TTC14: variants seen among roughly 807,000 people sequenced by gnomAD.
TTC14 encodes tetratricopeptide repeat domain 14.
In TTC14, 63 loss-of-function variants were observed where a neutral mutation model predicts 79.9. The observed-to-expected ratio is 0.79, with a 90% CI of 0.64 to 0.97. TTC14 has a LOEUF of 0.97. Among genes scored for constraint, TTC14 ranks in the 50% least tolerant of loss-of-function variants. The probability of loss-of-function intolerance (pLI) is 0.00; values close to 1 mark genes in which losing one functional copy is unlikely to be tolerated. For missense variants in TTC14, 895 were observed against 894.0 expected, an observed-to-expected ratio of 1.00 and a Z score of -0.01; for synonymous variants, 335 against 309.6, an observed-to-expected ratio of 1.08 and a Z score of -0.86.
chr3:180,616,941 A>G lies in TTC14; in HGVS notation c.1775-439A>G, dbSNP rs372308915. The stretch of plus-strand genomic sequence containing the variant: ...TTTAACATTATTTGCCAAATGTTCT[A>G]TAACATCTAATGTATTTTCCATGCT... On this transcript the variant is annotated intron_variant, in intron 12 of 12. Transcript: ENST00000382584. 57 of 1,454,972 alleles carry G rather than the reference A, an allele frequency of 3.9e-5. No homozygotes were observed. In the Middle Eastern group the frequency reaches 5.2e-4, roughly 13 times the overall value. 90.1% of individuals were successfully genotyped at this position (1,454,972 alleles called of 1,614,324 possible). A position where few individuals can be genotyped will look rare whatever the true frequency, so the allele number is the denominator to read the frequency against.
At chr3:180,611,355 A>ACAT (rs1716989753), downstream of TTC14, among the ~76,000 whole-genome samples, 1 of 152,240 alleles carries the variant, frequency 6.6e-6, no homozygotes, top group South Asian at 2.1e-4. Flanking sequence ...GCAGAGAAGC[A>ACAT]CATTGTAAAT....
At chr3:180,616,320 TGAC>T (rs1717238350) in intron 12 of TTC14, 3 of 1,613,436 alleles carry the variant, frequency 1.9e-6, no homozygotes, top group East Asian at 2.2e-5. Flanking sequence ...TCTAGAGCTC[TGAC>T]GACTGCCTTT....
At position 180,610,627 on chromosome 3, in the gene TTC14, ATCTCTGCTTCT is replaced by A; in HGVS notation, c.*86_*96del. 6.7e-7 allele frequency: 1 copy of A among 1,489,232 alleles called. No individual in the cohort carries two copies. Among genetic ancestry groups the A allele is most frequent in the South Asian group, 1.5e-5 (1 of 68,804 alleles). The allele number at this position is 1,489,232 out of a possible 1,614,324, so 92.3% of individuals were successfully genotyped here. A position where few individuals can be genotyped will look rare whatever the true frequency, so the allele number is the denominator to read the frequency against. On this transcript the variant is annotated 3_prime_UTR_variant, in exon 12 of 12. Transcript: ENST00000296015. ...TTAGTCATAACAGTTGAGTGCAGAA[ATCTCTGCTTCT>A]AAAATTATTTGTAGAGATTACAGGA... is the stretch of plus-strand genomic sequence containing the variant.
intron 3 of TTC14, chr3:180,603,739 G>A: frequency 8.4e-6 from 2 of 239,050 alleles, no homozygotes; most frequent in South Asian, 5.1e-5. Context: ...TAAGTGGTTT[G>A]TACATTATAT....
At chr3:180,605,059 C>T (rs1716601053) in intron 6 of TTC14, 52 bp downstream of exon 6, 1 of 1,546,444 alleles carries the variant, frequency 6.5e-7, no homozygotes, top group African/African-American at 1.4e-5. Flanking sequence ...GCAGTAAGCT[C>T]AGAAGCTGCG....
intron 12 of TTC14, chr3:180,617,363 C>A: frequency 1.8e-6 from 1 of 563,276 alleles, no homozygotes; most frequent in Non-Finnish European, 3.2e-6. Flanking sequence ...ATACAATATA[C>A]TTTTATTATT....
chr3:180,615,866 A>G (rs1028351687), downstream of TTC14, among the ~76,000 whole-genome samples: 1 of 152,214 alleles, frequency 6.6e-6, no homozygotes, highest in African/African-American at 2.4e-5. Context: ...TGATTATGTA[A>G]AATACCACAG....
In TTC14 at chr3:180,609,839, A is replaced by G; in HGVS notation, c.1610A>G (p.Tyr537Cys). ...GATCAGAATAGGAAAGATGAGTGCT[A>G]CCCAGTTCCAGCTAATACTTCAGCA... ...QIDQNRKDEC[Y>C]PVPANTSASF... Residue 537 changes from tyrosine to cysteine, a missense_variant, in exon 12 of 12, where the codon TAC (tyrosine) becomes TGC (cysteine). Transcript: ENST00000296015. The G allele has an allele frequency of 6.2e-7, 1 of 1,613,706 alleles. No individual in the cohort carries two copies. The highest frequency in any genetic ancestry group is 1.1e-5 in the South Asian group (1 of 90,996).
At chr3:180,615,028 G>C, downstream of TTC14, 1 of 1,557,232 alleles carries the variant, frequency 6.4e-7, no homozygotes, top group Non-Finnish European at 8.7e-7. Context: ...TTAAGCTCCA[G>C]TACTTTAATT....
rs1394686882 is a variant in TTC14, at chr3:180,602,422, G to A, written c.161G>A (p.Arg54Lys). 5 of 1,600,732 alleles carry A rather than the reference G, an allele frequency of 3.1e-6. No homozygotes were observed. Among genetic ancestry groups the A allele is most frequent in the Non-Finnish European group, 3.4e-6 (4 of 1,177,564 alleles). Residue 54 changes from arginine to lysine, a missense_variant and splice_region_variant, in exon 1 of 12, where the codon AGA becomes AAA. By Grantham distance (26) the Arg-to-Lys change is conservative. Coordinates refer to ENST00000296015, the MANE Select transcript of TTC14 (RefSeq NM_133462.4). Reference protein sequence around the residue: ...GPPPQHPLQGRKEKRVDNIEI... With the variant: ...GPPPQHPLQGKKEKRVDNIEI... ...CCGCCCCAGCACCCGTTGCAGGGCA[G>A]GTAATGAGACGTTGGTGCCACTGCG...
In TTC14 at chr3:180,617,561, C is replaced by T. The variant is rs948081087; in HGVS notation, c.1956C>T (p.His652=). 6.3e-5 allele frequency: 37 copies of T among 584,314 alleles called. 1 individual carries two copies. The Admixed American group carries it at 6.5e-4, about 10-fold the overall frequency. 36.2% of individuals were successfully genotyped at this position (584,314 alleles called of 1,614,324 possible). The change falls in exon 13 of 13, where the codon CAC becomes CAT. Residue 652 remains histidine (H), a synonymous_variant. Transcript: ENST00000382584. The stretch of plus-strand genomic sequence containing the variant: ...ACAGTGGTATTGATGATCCTGACCA[C>T]GGGTAGGCTTAGGTTTATGTGTGTG...
chr3:180,616,299 T>C lies in TTC14; in HGVS notation c.1775-1081T>C, dbSNP rs767777047. On this transcript the variant is annotated intron_variant, in intron 12 of 12. Transcript: ENST00000382584. ...CGCTTACCTTGCTGATAGTGAAGTA[T>C]GTGAAGGAGATCTAGAGCTCTGACG... The C allele has an allele frequency of 3.1e-6, 5 of 1,613,360 alleles. No individual in the cohort carries two copies. In the South Asian group the frequency reaches 5.5e-5, roughly 18 times the overall value.
chr3:180,616,317 C>T (rs1212801843), intron 12 of TTC14: 2 of 1,613,226 alleles, frequency 1.2e-6, no homozygotes, highest in African/African-American at 1.3e-5. Context: ...AGATCTAGAG[C>T]TCTGACGACT....
chr3:180,616,549 C>T lies in TTC14; in HGVS notation c.1775-831C>T, dbSNP rs371713454. ...AGTATGTTTGAAGGATAATACGGAT[C>T]TCAGTATTTTCTTCTATGATATCAA... On this transcript the variant is annotated intron_variant, in intron 12 of 12. Coordinates refer to the TTC14 transcript ENST00000382584. 3.1e-6 allele frequency: 5 copies of T among 1,588,334 alleles called. No homozygotes were observed. The Admixed American group carries it at 7.1e-5, about 22-fold the overall frequency.
At chr3:180,604,380 TAC>T in intron 4 of TTC14, 71 bp downstream of exon 4, 1 of 1,563,274 alleles carries the variant, frequency 6.4e-7, no homozygotes, top group Non-Finnish European at 8.7e-7. Context: ...TTTAAAAAAA[TAC>T]AGTCTAAGAG....
chr3:180,611,043 AT>A lies in TTC14; in HGVS notation c.*509del. ...GTTTAAATATTACATTTTTTGCCCA[AT>A]TTTTTTTAAAATTTTTAAATGGTAG... is the stretch of plus-strand genomic sequence containing the variant. On this transcript the variant is annotated 3_prime_UTR_variant, in exon 12 of 12. Coordinates refer to ENST00000296015, the MANE Select transcript of TTC14 (RefSeq NM_133462.4). 1.3e-5 allele frequency: 12 copies of A among 950,878 alleles called. No homozygotes were observed. Among genetic ancestry groups the A allele is most frequent in the Non-Finnish European group, 1.3e-5 (10 of 798,634 alleles). The allele number at this position is 950,878 out of a possible 1,614,324, so 58.9% of individuals were successfully genotyped here.
chr3:180,603,101 T>C, intron 2 of TTC14, 23 bp from the exon 3 acceptor site: 1 of 1,610,616 alleles, frequency 6.2e-7, no homozygotes, highest in Non-Finnish European at 8.5e-7. Flanking sequence ...TCGTTAGTGA[T>C]TTTGTTAATT....
rs1423618986 is a variant in TTC14, at chr3:180,610,526, A to ATAAG, written c.2299_2302dup (p.Ser768Ter). On this transcript the variant is annotated frameshift_variant, in exon 12 of 12. Coordinates refer to ENST00000296015, the MANE Select transcript of TTC14 (RefSeq NM_133462.4). LOFTEE classifies it high-confidence loss of function. ...GCTGAATTTGAAAAAGAAAAAGGAAATAAGTCAAAAAATTAATACACCAAG... is the reference window on the plus strand; with the variant it reads ...GCTGAATTTGAAAAAGAAAAAGGAAATAAGTAAGTCAAAAAATTAATACACCAAG... 1.3e-6 allele frequency: 2 copies of ATAAG among 1,572,432 alleles called. No homozygotes were observed. The highest frequency in any genetic ancestry group is 2.8e-5 in the African/African-American group (2 of 72,660).
intron 9 of TTC14, among the ~76,000 whole-genome samples, chr3:180,606,955 G>T (rs1482323321): frequency 6.6e-6 from 1 of 152,016 alleles, no homozygotes; most frequent in Non-Finnish European, 1.5e-5. Context: ...ACTTATATGT[G>T]GTTGTCTTAT....
Sources: allele counts gnomAD v4.1 joint callset (sites outside exome capture counted in the v4.1 genomes callset), GRCh38; gene constraint gnomAD v4.1.1; transcripts MANE v1.5; gene names NCBI Gene and HGNC (gene_info 2026-07-23, HGNC 2026-07-21).